CAB39: variants seen among roughly 807,000 people sequenced by gnomAD.
The protein encoded by CAB39 is calcium binding protein 39.
CAB39 carries 8 observed loss-of-function variants against 40.0 expected under a neutral mutation model. That is an observed-to-expected ratio of 0.20 (90% CI 0.12 to 0.36). The LOEUF (loss-of-function observed/expected upper bound fraction) is 0.36. CAB39 is among the 10% of genes least tolerant of loss of function. CAB39 has a pLI of 1.00. For synonymous variants in CAB39, 156 were observed against 141.6 expected (o/e 1.10, Z -0.72); for missense variants, 270 against 401.1 (o/e 0.67, Z 2.79).
intron 1 of CAB39, among the ~76,000 whole-genome samples, chr2:230,745,932 T>C (rs1369017907): frequency 6.6e-6 from 1 of 152,094 alleles, no homozygotes; most frequent in Non-Finnish European, 1.5e-5. Context: ...CCAAAATCTT[T>C]AAATTAAAAA....
In CAB39 at chr2:230,818,461, G is replaced by A. The variant is rs572406659; in HGVS notation, c.838-55G>A. Reference sequence around the variant, plus strand: ...TTTCTGCACTGTGGCCGCAGCTCAGGTGTGGCTGCGTTTTGTCCTTTCTCT... The same window carrying A: ...TTTCTGCACTGTGGCCGCAGCTCAGATGTGGCTGCGTTTTGTCCTTTCTCT... On this transcript the variant is annotated intron_variant, in intron 8 of 8. Coordinates refer to ENST00000258418, the MANE Select transcript of CAB39 (RefSeq NM_016289.4). The A allele has an allele frequency of 2.8e-6, 4 of 1,422,532 alleles. No homozygotes were observed. In the African/African-American group the frequency reaches 5.6e-5, roughly 20 times the overall value. The allele number at this position is 1,422,532 out of a possible 1,614,324, so 88.1% of individuals were successfully genotyped here.
chr2:230,725,068 G>A (rs1162531802), intron 1 of CAB39: 2 of 1,514,066 alleles, frequency 1.3e-6, no homozygotes, highest in African/African-American at 1.4e-5. Context: ...TTCCTTCGTA[G>A]AGGACAGGGG....
chr2:230,810,229 A>G, intron 5 of CAB39, 34 bp from the exon 6 acceptor site: 1 of 1,008,638 alleles, frequency 9.9e-7, no homozygotes, highest in Non-Finnish European at 1.5e-6. Context: ...AAACTTGGAG[A>G]ACAACTGTAA....
At chr2:230,732,504 A>G (rs998907276) in intron 1 of CAB39, among the ~76,000 whole-genome samples, 8 of 152,228 alleles carry the variant, frequency 5.3e-5, no homozygotes, top group Non-Finnish European at 1.2e-4. Flanking sequence ...GTGCCTACAG[A>G]CATAATCTGT....
intron 2 of CAB39, among the ~76,000 whole-genome samples, chr2:230,784,904 G>T (rs1350552508): frequency 6.6e-6 from 1 of 152,176 alleles, no homozygotes; most frequent in Non-Finnish European, 1.5e-5. Context: ...GTTTCCATTG[G>T]CTGGGATAGG....
chr2:230,733,680 A>T (rs1694735274), intron 1 of CAB39, among the ~76,000 whole-genome samples: 1 of 152,160 alleles, frequency 6.6e-6, no homozygotes. Flanking sequence ...TATAACTCTA[A>T]AAAAGGACTG....
At chr2:230,722,129 T>C (rs573012849) in intron 1 of CAB39, among the ~76,000 whole-genome samples, 67 of 151,884 alleles carry the variant, frequency 4.4e-4, no homozygotes, top group Admixed American at 9.2e-4. Context: ...CTCTCAAAAC[T>C]GAAAAAGAAA....
intron 1 of CAB39, among the ~76,000 whole-genome samples, chr2:230,718,314 T>C (rs1315057240): frequency 6.6e-6 from 1 of 152,244 alleles, no homozygotes; most frequent in African/African-American, 2.4e-5. Flanking sequence ...CTCTTTACAG[T>C]GTACTGACTA....
At chr2:230,726,882 A>G (rs757092714) in intron 1 of CAB39, among the ~76,000 whole-genome samples, 43 of 148,220 alleles carry the variant, frequency 2.9e-4, no homozygotes, top group Non-Finnish European at 5.2e-4. Context: ...CGGACTTTTT[A>G]AATATAGTGA....
chr2:230,811,692 A>G (rs1246358395), intron 6 of CAB39, among the ~76,000 whole-genome samples: 2 of 152,350 alleles, frequency 1.3e-5, no homozygotes, highest in African/African-American at 2.4e-5. Context: ...TGGGATCATC[A>G]TGAGGATTAG....
chr2:230,795,266 A>T (rs567716952), intron 4 of CAB39, among the ~76,000 whole-genome samples: 1 of 125,508 alleles, frequency 8.0e-6, no homozygotes, highest in Non-Finnish European at 1.6e-5. Context: ...ACAGAGCAAG[A>T]CTTGATTTCC....
Position 230,755,129 on chromosome 2 carries a change from C to T in CAB39, c.-43-4830C>T, listed in dbSNP as rs538462823. 2.0e-5 allele frequency among the ~76,000 whole-genome samples: 3 copies of T among 152,162 alleles called. No individual in the cohort carries two copies. The East Asian group carries it at 5.8e-4, about 29-fold the overall frequency. ...GATTGATGGGCATTTGGATTGGTTCCATGATTTTCCTCTGGGTAGATACCC... is the reference window on the plus strand; with the variant it reads ...GATTGATGGGCATTTGGATTGGTTCTATGATTTTCCTCTGGGTAGATACCC... On this transcript the variant is annotated intron_variant, in intron 1 of 8. Coordinates refer to ENST00000258418, the MANE Select transcript of CAB39 (RefSeq NM_016289.4).
intron 2 of CAB39, among the ~76,000 whole-genome samples, chr2:230,785,495 A>G (rs1345537144): frequency 6.6e-6 from 1 of 150,954 alleles, no homozygotes; most frequent in African/African-American, 2.4e-5. Flanking sequence ...GTGAGGGGAG[A>G]TTGACTCTGT....
intron 5 of CAB39, among the ~76,000 whole-genome samples, chr2:230,807,458 G>C (rs770638392): frequency 2.9e-5 from 4 of 137,176 alleles, no homozygotes; most frequent in Non-Finnish European, 6.1e-5. Context: ...TTTAACAAAG[G>C]GTTTTCATCC....
In CAB39 at chr2:230,746,771, A is replaced by G. The variant is rs559098876; in HGVS notation, c.-43-13188A>G. The stretch of plus-strand genomic sequence containing the variant: ...GTCAACTCTTGGTTATTTATGTATC[A>G]TTTCTGTAGGATTTTTTTTGTTGGT... On this transcript the variant is annotated intron_variant, in intron 1 of 8. Transcript: ENST00000258418. 5.3e-5 allele frequency among the ~76,000 whole-genome samples: 8 copies of G among 152,092 alleles called. 1 individual carries two copies. The South Asian group carries it at 1.7e-3, about 32-fold the overall frequency.
At chr2:230,736,044 T>C (rs1694783772) in intron 1 of CAB39, among the ~76,000 whole-genome samples, 1 of 152,222 alleles carries the variant, frequency 6.6e-6, no homozygotes, top group Admixed American at 6.5e-5. Flanking sequence ...TGGGCTGGTA[T>C]GCTGTTACTC....
chr2:230,767,385 G>C lies in CAB39; in HGVS notation c.114+7270G>C, dbSNP rs533171875. ...CCATTTTCCTTGTTCCCACTGAGCT[G>C]TCCTTTTCTCTGCCCTGGATTACTG... On this transcript the variant is annotated intron_variant, in intron 2 of 8. Transcript: ENST00000258418. 8.5e-5 allele frequency among the ~76,000 whole-genome samples: 13 copies of C among 152,248 alleles called. No homozygotes were observed. In the South Asian group the frequency reaches 2.7e-3, roughly 32 times the overall value.
intron 1 of CAB39, among the ~76,000 whole-genome samples, chr2:230,730,722 G>T (rs1179497819): frequency 2.0e-5 from 3 of 152,152 alleles, no homozygotes; most frequent in Non-Finnish European, 4.4e-5. Flanking sequence ...GGGATTACAG[G>T]CATGAGCCAC....
intron 1 of CAB39, among the ~76,000 whole-genome samples, chr2:230,716,069 A>G (rs1375798462): frequency 6.6e-6 from 1 of 152,184 alleles, no homozygotes; most frequent in African/African-American, 2.4e-5. Context: ...TTCTTGTACT[A>G]AGTCAGTTTT....
Sources: gnomAD v4.1 joint callset for allele counts (sites outside exome capture counted in the v4.1 genomes callset) on GRCh38, gnomAD v4.1.1 for gene constraint, MANE v1.5 for transcripts, NCBI Gene and HGNC (gene_info 2026-07-23, HGNC 2026-07-21) for gene names.